PCSK1: variants seen among roughly 807,000 people sequenced by gnomAD.
The protein encoded by PCSK1 is proprotein convertase subtilisin/kexin type 1.
PCSK1 carries 56 observed loss-of-function variants against 90.6 expected under a neutral mutation model. The ratio of observed to expected loss-of-function variants is 0.62; its 90% CI spans 0.50 to 0.77. PCSK1 has a LOEUF of 0.77. PCSK1 is among the 30% of genes least tolerant of loss of function. PCSK1 has a pLI of 0.00. For synonymous variants in PCSK1, 348 were observed against 342.4 expected (o/e 1.02, Z -0.18); for missense variants, 801 against 932.6 (o/e 0.86, Z 1.84).
chr5:96,396,180 T>C (rs1014773181), intron 12 of PCSK1, among the ~76,000 whole-genome samples: 1 of 152,162 alleles, frequency 6.6e-6, no homozygotes, highest in African/African-American at 2.4e-5. Flanking sequence ...GAGAAAGCTA[T>C]CCTCAGAGAA....
At position 96,397,359 on chromosome 5, in the gene PCSK1, A is replaced by G; in HGVS notation, c.1699T>C (p.Trp567Arg). 1 of 1,612,954 alleles carries G rather than the reference A, an allele frequency of 6.2e-7. No individual in the cohort carries two copies. The highest frequency in any genetic ancestry group is 1.3e-5 in the African/African-American group (1 of 75,006). The change falls in exon 12 of 14, where the codon TGG (tryptophan) becomes CGG (arginine). Residue 567 changes from tryptophan (W) to arginine (R), a missense_variant. By Grantham distance (101) the Trp-to-Arg change is moderately radical (BLOSUM62 -3). Transcript: ENST00000311106. Reference sequence around the variant, plus strand: ...ACCATGTCTGTAATTCTCAAAGTCCAAGTACCTATAGGGTTCTCTCCCCAT... The same window carrying G: ...ACCATGTCTGTAATTCTCAAAGTCCGAGTACCTATAGGGTTCTCTCCCCAT... The part of the protein sequence containing the change: ...HTWGENPIGT[W>R]TLRITDMSGR...
At chr5:96,416,176 T>G in intron 5 of PCSK1, 55 bp from the exon 6 acceptor site, 3 of 1,196,168 alleles carry the variant, frequency 2.5e-6, no homozygotes, top group Non-Finnish European at 3.7e-6. Context: ...ACATTTGTTT[T>G]GCATATGAAT....
chr5:96,397,771 C>T (rs942613866), intron 11 of PCSK1, among the ~76,000 whole-genome samples: 2 of 151,770 alleles, frequency 1.3e-5, no homozygotes, highest in Non-Finnish European at 2.9e-5. Context: ...AAGGAAAACT[C>T]GGCGAACTAC....
chr5:96,393,370 G>C lies in PCSK1; in HGVS notation c.1893C>G (p.Pro631=). The part of the protein sequence containing the change: ...EKMVDPGEEQ[P]TQENPKENTL... ...TGTTCTCCTTAGGGTTCTCTTGTGT[G>C]GGCTGCTCCTAAAACATAGAATGCC... Residue 631 remains proline (P), a synonymous_variant, in exon 14 of 14, where the codon CCC becomes CCG. Coordinates refer to ENST00000311106, the MANE Select transcript of PCSK1 (RefSeq NM_000439.5). 6.2e-7 allele frequency: 1 copy of C among 1,613,758 alleles called. No homozygotes were observed. The highest frequency in any genetic ancestry group is 8.5e-7 in the Non-Finnish European group (1 of 1,179,918).
intron 9 of PCSK1, among the ~76,000 whole-genome samples, chr5:96,405,169 A>C (rs1265492051): frequency 6.6e-6 from 1 of 152,230 alleles, no homozygotes; most frequent in African/African-American, 2.4e-5. Context: ...GTAAGGATAT[A>C]AATGTTAAGA....
Position 96,395,368 on chromosome 5 carries a change from A to C in PCSK1, c.1723-343T>G, listed in dbSNP as rs1447122970. ...TATAGAAACATTCCACTGGGAAAAA[A>C]GTCAGCCTCTATGGAGTATTATAAA... On this transcript the variant is annotated intron_variant, in intron 12 of 13. Transcript: ENST00000311106. 5.3e-5 allele frequency among the ~76,000 whole-genome samples: 8 copies of C among 152,372 alleles called. No individual in the cohort carries two copies. The South Asian group carries it at 1.7e-3, about 32-fold the overall frequency.
intron 9 of PCSK1, among the ~76,000 whole-genome samples, chr5:96,406,776 T>C (rs1760584363): frequency 6.6e-6 from 1 of 152,258 alleles, no homozygotes. Context: ...TAATTTATTC[T>C]AGGATAATCT....
chr5:96,426,016 TC>T lies in PCSK1; in HGVS notation c.286-87del. On this transcript the variant is annotated intron_variant, in intron 2 of 13. Coordinates refer to ENST00000311106, the MANE Select transcript of PCSK1 (RefSeq NM_000439.5). ...CTAACTATCTCCAGTACCCTTCCCA[TC>T]AGAGTTCAGGCAGCTCTGCAATATT... The T allele has an allele frequency of 1.3e-5, 10 of 770,050 alleles. No individual in the cohort carries two copies. In the South Asian group the frequency reaches 1.4e-4, roughly 11 times the overall value. 47.7% of individuals were successfully genotyped at this position (770,050 alleles called of 1,614,324 possible).
intron 5 of PCSK1, among the ~76,000 whole-genome samples, chr5:96,418,745 T>C (rs1362670305): frequency 6.6e-6 from 1 of 152,222 alleles, no homozygotes; most frequent in African/African-American, 2.4e-5. Context: ...ATCTACTTTT[T>C]ATTATACCTT....
chr5:96,432,064 C>T (rs983035416), intron 1 of PCSK1: 21 of 1,517,760 alleles, frequency 1.4e-5, no homozygotes, highest in Non-Finnish European at 1.4e-5. Context: ...CTGAAATTCC[C>T]GGGAAAACGA....
At chr5:96,408,091 C>G in intron 9 of PCSK1, 132 bp downstream of exon 9, 1 of 705,926 alleles carries the variant, frequency 1.4e-6, no homozygotes, top group Non-Finnish European at 2.6e-6. Flanking sequence ...CTCGAAGTGG[C>G]AGGAAAGAGC....
Position 96,412,370 on chromosome 5 carries a change from A to G in PCSK1, c.830T>C (p.Val277Ala). The change falls in exon 7 of 14, where the codon GTG becomes GCG. Residue 277 changes from valine (V) to alanine (A), a missense_variant. Physicochemically the swap from Val to Ala is moderately conservative, Grantham distance 64. Transcript: ENST00000311106. Reference sequence around the variant, plus strand: ...CTGGGCTAGCCGGCCAGGCCCCTCCACAGTTTTCCCATCATCATTAGGGCC... The same window carrying G: ...CTGGGCTAGCCGGCCAGGCCCCTCCGCAGTTTTCCCATCATCATTAGGGCC... Reference protein sequence around the residue: ...SWGPNDDGKTVEGPGRLAQKA... With the variant: ...SWGPNDDGKTAEGPGRLAQKA... 1 of 1,614,110 alleles carries G rather than the reference A, an allele frequency of 6.2e-7. No individual in the cohort carries two copies. Among genetic ancestry groups the G allele is most frequent in the Non-Finnish European group, 8.5e-7 (1 of 1,180,010 alleles).
In PCSK1 at chr5:96,412,470, T is replaced by C. The variant is rs1283740890; in HGVS notation, c.730A>G (p.Ile244Val). The part of the protein sequence containing the change: ...KVGGIRMLDG[I>V]VTDAIEASSI... Reference sequence around the variant, plus strand: ...CTGGCCTCAATAGCATCCGTCACAATGCCATCCAGCATTCTTATGCCTGAG... The same window carrying C: ...CTGGCCTCAATAGCATCCGTCACAACGCCATCCAGCATTCTTATGCCTGAG... The change falls in exon 7 of 14, where the codon ATT becomes GTT. Residue 244 changes from isoleucine (I) to valine (V), a missense_variant. Ile to Val is a conservative substitution (Grantham distance 29). Coordinates refer to ENST00000311106, the MANE Select transcript of PCSK1 (RefSeq NM_000439.5). The C allele has an allele frequency of 6.2e-7, 1 of 1,614,134 alleles. No homozygotes were observed. The highest frequency in any genetic ancestry group is 8.5e-7 in the Non-Finnish European group (1 of 1,180,006).
At chr5:96,407,170 G>T (rs1402168201) in intron 9 of PCSK1, among the ~76,000 whole-genome samples, 1 of 152,066 alleles carries the variant, frequency 6.6e-6, no homozygotes, top group African/African-American at 2.4e-5. Flanking sequence ...TAAAGAAACA[G>T]ACTGACAAAC....
chr5:96,408,710 C>G (rs1561368254), intron 8 of PCSK1, among the ~76,000 whole-genome samples: 1 of 152,240 alleles, frequency 6.6e-6, no homozygotes, highest in Non-Finnish European at 1.5e-5. Context: ...GAAATTCTGT[C>G]TCATACAAAA....
At chr5:96,398,406 C>A (rs954988574) in intron 11 of PCSK1, among the ~76,000 whole-genome samples, 2 of 152,206 alleles carry the variant, frequency 1.3e-5, no homozygotes, top group Admixed American at 1.3e-4. Context: ...AGCAAATGTT[C>A]ATACATCATA....
intron 9 of PCSK1, among the ~76,000 whole-genome samples, chr5:96,403,953 G>A (rs368933190): frequency 2.5e-3 from 375 of 152,246 alleles, no homozygotes; most frequent in Non-Finnish European, 4.4e-3. Flanking sequence ...AAGGTGTGAA[G>A]GGATTCAATG....
In PCSK1 at chr5:96,412,480, C is replaced by G; in HGVS notation, c.720G>C (p.Met240Ile). 1.9e-6 allele frequency: 3 copies of G among 1,614,002 alleles called. No homozygotes were observed. Among genetic ancestry groups the G allele is most frequent in the Non-Finnish European group, 1.7e-6 (2 of 1,179,910 alleles). Reference protein sequence around the residue: ...AYNSKVGGIRMLDGIVTDAIE... With the variant: ...AYNSKVGGIRILDGIVTDAIE... ...TAGCATCCGTCACAATGCCATCCAG[C>G]ATTCTTATGCCTGAGAAACAAAATA... is the stretch of plus-strand genomic sequence containing the variant. Residue 240 changes from methionine (M) to isoleucine (I), a missense_variant, in exon 7 of 14, where the codon ATG becomes ATC. Transcript: ENST00000311106.
At chr5:96,398,785 G>T in intron 11 of PCSK1, 94 bp downstream of exon 11, 1 of 1,048,462 alleles carries the variant, frequency 9.5e-7, no homozygotes, top group Non-Finnish European at 1.5e-6. Flanking sequence ...TCTATTAGGA[G>T]ACTTTGTTCT....
Sources: allele counts gnomAD v4.1 joint callset (sites outside exome capture counted in the v4.1 genomes callset), GRCh38; gene constraint gnomAD v4.1.1; transcripts MANE v1.5; gene names NCBI Gene and HGNC (gene_info 2026-07-23, HGNC 2026-07-21).